Variants in MAP2K6 observed in about 807,000 individuals in gnomAD.
MAP2K6 encodes dual specificity mitogen-activated protein kinase kinase 6.
In MAP2K6, 16 loss-of-function variants were observed where a neutral mutation model predicts 53.7. The ratio of observed to expected loss-of-function variants is 0.30; its 90% confidence interval spans 0.20 to 0.45. MAP2K6 has a LOEUF of 0.45. Ranked by LOEUF, MAP2K6 falls within the 20% of genes least tolerant of loss-of-function variation. The probability of loss-of-function intolerance (pLI) is 1.00; values close to 1 mark genes in which losing one functional copy is unlikely to be tolerated. For missense variants in MAP2K6, 204 were observed against 411.9 expected (o/e 0.50, Z 4.37); for synonymous variants, 132 against 143.1 (o/e 0.92, Z 0.55).
intron 2 of MAP2K6, among the ~76,000 whole-genome samples, chr17:69,516,356 G>A (rs1478097667): frequency 6.6e-6 from 1 of 152,060 alleles, no homozygotes; most frequent in Non-Finnish European, 1.5e-5. Flanking sequence ...TAATGCCACT[G>A]CTGATCTGAC....
chr17:69,462,389 G>C (rs1907650347), intron 1 of MAP2K6, among the ~76,000 whole-genome samples: 1 of 152,066 alleles, frequency 6.6e-6, no homozygotes, highest in Non-Finnish European at 1.5e-5. Flanking sequence ...GTGTGCTACT[G>C]AACGCCACTA....
chr17:69,436,991 A>G (rs1388461335), intron 1 of MAP2K6, among the ~76,000 whole-genome samples: 1 of 151,896 alleles, frequency 6.6e-6, no homozygotes, highest in Non-Finnish European at 1.5e-5. Context: ...GGCCCGGCTA[A>G]TTTATTTTTA....
intron 2 of MAP2K6, among the ~76,000 whole-genome samples, chr17:69,506,409 T>G (rs74714205): frequency 1.9e-5 from 1 of 51,454 alleles, no homozygotes; most frequent in African/African-American, 6.2e-5. Flanking sequence ...CTCCTTCTTG[T>G]TTTTTTTTTT....
intron 1 of MAP2K6, among the ~76,000 whole-genome samples, chr17:69,480,440 G>C (rs1908311706): frequency 6.6e-6 from 1 of 152,182 alleles, no homozygotes; most frequent in East Asian, 1.9e-4. Flanking sequence ...AAAGCTTCTG[G>C]TCCAACAGTA....
intron 1 of MAP2K6, among the ~76,000 whole-genome samples, chr17:69,468,554 G>A (rs1907885419): frequency 6.6e-6 from 1 of 152,234 alleles, no homozygotes; most frequent in Non-Finnish European, 1.5e-5. Flanking sequence ...TTGAGGTGGA[G>A]GATGAAAGGG....
chr17:69,506,834 TC>T (rs1319422931), intron 2 of MAP2K6, among the ~76,000 whole-genome samples: 1 of 152,234 alleles, frequency 6.6e-6, no homozygotes, highest in Non-Finnish European at 1.5e-5. Flanking sequence ...GGGCTACTCT[TC>T]AGGGTTCTGG....
intron 1 of MAP2K6, among the ~76,000 whole-genome samples, chr17:69,424,953 A>T (rs1906220478): frequency 6.6e-6 from 1 of 152,228 alleles, no homozygotes; most frequent in Admixed American, 6.5e-5. Flanking sequence ...GTAGGTAACA[A>T]ATATTGCTTC....
At chr17:69,540,486 A>C (rs1296363719) in intron 11 of MAP2K6, among the ~76,000 whole-genome samples, 1 of 152,178 alleles carries the variant, frequency 6.6e-6, no homozygotes, top group Admixed American at 6.5e-5. Context: ...ATATCTTTCT[A>C]AGTAGAGGTG....
At position 69,502,145 on chromosome 17, in the gene MAP2K6, TG is replaced by T. The variant is rs141808322; in HGVS notation, c.17-3632del. ...TCTGGTTAATGATTAATGTCACGCC[TG>T]GGTGTCCACATAGACCCACTTCCCT... is the stretch of plus-strand genomic sequence containing the variant. On this transcript the variant is annotated intron_variant, in intron 1 of 11. Coordinates refer to ENST00000590474, the MANE Select transcript of MAP2K6 (RefSeq NM_002758.4). The T allele has an allele frequency of 1.7e-4, 168 of 985,182 alleles. 1 individual carries two copies. In the East Asian group the frequency reaches 8.4e-3, roughly 49 times the overall value. The allele number at this position is 985,182 out of a possible 1,614,324, so 61.0% of individuals were successfully genotyped here.
intron 6 of MAP2K6, 83 bp downstream of exon 6, chr17:69,520,469 A>G (rs777544306): frequency 1.3e-6 from 1 of 762,852 alleles, no homozygotes; most frequent in Non-Finnish European, 2.2e-6. Context: ...ATGAAGAAAT[A>G]CTACCTGGGC....
At chr17:69,486,598 G>T (rs1332528009) in intron 1 of MAP2K6, among the ~76,000 whole-genome samples, 2 of 152,178 alleles carry the variant, frequency 1.3e-5, no homozygotes, top group African/African-American at 4.8e-5. Context: ...CTTTGATATT[G>T]AGAGGGGACA....
At chr17:69,493,250 G>T (rs1298106530) in intron 1 of MAP2K6, among the ~76,000 whole-genome samples, 1 of 151,842 alleles carries the variant, frequency 6.6e-6, no homozygotes, top group Non-Finnish European at 1.5e-5. Flanking sequence ...GAACATAAAA[G>T]AATGTAAAAA....
intron 10 of MAP2K6, among the ~76,000 whole-genome samples, chr17:69,530,170 C>A (rs1355292520): frequency 6.6e-6 from 1 of 152,090 alleles, no homozygotes; most frequent in African/African-American, 2.4e-5. Context: ...CACAAATTAG[C>A]TGGGTGTGGT....
At chr17:69,416,091 A>T (rs1198430243) in intron 1 of MAP2K6, among the ~76,000 whole-genome samples, 1 of 152,160 alleles carries the variant, frequency 6.6e-6, no homozygotes, top group African/African-American at 2.4e-5. Flanking sequence ...GTATGGGATG[A>T]TGAAGAGAGG....
intron 1 of MAP2K6, among the ~76,000 whole-genome samples, chr17:69,441,507 T>C (rs1906818877): frequency 1.3e-5 from 2 of 152,228 alleles, no homozygotes; most frequent in Admixed American, 6.5e-5. Context: ...ATTTCTTTGC[T>C]GAGATGTCCT....
chr17:69,499,617 GAAAAGAATAAC>G (rs1294095256), intron 1 of MAP2K6, among the ~76,000 whole-genome samples: 1 of 152,186 alleles, frequency 6.6e-6, no homozygotes. Context: ...AAACAGTTGA[GAAAAGAATAAC>G]AAACATTCAG....
intron 1 of MAP2K6, chr17:69,485,165 C>G (rs1245446464): frequency 6.6e-6 from 1 of 152,096 alleles, no homozygotes; most frequent in East Asian, 1.9e-4. Flanking sequence ...TGGACCAACT[C>G]TAAAATTAAC....
intron 1 of MAP2K6, among the ~76,000 whole-genome samples, chr17:69,462,392 C>T (rs1482690556): frequency 2.6e-5 from 4 of 152,066 alleles, no homozygotes; most frequent in African/African-American, 4.8e-5. Context: ...TGCTACTGAA[C>T]GCCACTAGAT....
At position 69,550,294 on chromosome 17, in the gene MAP2K6, A is replaced by G. The variant is rs201483570; in HGVS notation, c.*8541A>G. On this transcript the variant is annotated 3_prime_UTR_variant, in exon 12 of 12. Transcript: ENST00000590474. ...CATTTTGAGAATATACCCCTCATCC[A>G]TCAGCCACCTCTGGGTAAAGAAACA... is the stretch of plus-strand genomic sequence containing the variant. 2 of 152,220 alleles carry G rather than the reference A, an allele frequency of 1.3e-5. No homozygotes were observed. The highest frequency in any genetic ancestry group is 4.8e-5 in the African/African-American group (2 of 41,460). The allele number at this position is 152,220 out of a possible 1,614,324, so 9.4% of individuals were successfully genotyped here.
Sources: allele counts gnomAD v4.1 joint callset (sites outside exome capture counted in the v4.1 genomes callset), GRCh38; gene constraint gnomAD v4.1.1; transcripts MANE v1.5; gene names NCBI Gene and HGNC (gene_info 2026-07-23, HGNC 2026-07-21).